The following MSH3 variants were observed in gnomAD, a reference collection of about 807,000 sequenced individuals.
The protein encoded by MSH3 is DNA mismatch repair protein Msh3.
In MSH3, 106 loss-of-function variants were observed where a neutral mutation model predicts 123.3. The ratio of observed to expected loss-of-function variants is 0.86; its 90% CI spans 0.73 to 1.01. The LOEUF (loss-of-function observed/expected upper bound fraction) is 1.01. MSH3 is among the 50% of genes least tolerant of loss of function. The pLI is 0.00. For missense variants in MSH3, 1,459 were observed against 1,347.6 expected (o/e 1.08, Z -1.29); for synonymous variants, 515 against 481.4 (o/e 1.07, Z -0.91).
intron 8 of MSH3, among the ~76,000 whole-genome samples, chr5:80,702,624 A>G (rs1750635906): frequency 6.6e-6 from 1 of 152,206 alleles, no homozygotes; most frequent in Admixed American, 6.5e-5. Context: ...ATGGGCCTAG[A>G]AAGACAGGTA....
At chr5:80,815,561 T>C (rs1489241088) in intron 20 of MSH3, among the ~76,000 whole-genome samples, 1 of 152,216 alleles carries the variant, frequency 6.6e-6, no homozygotes, top group Non-Finnish European at 1.5e-5. Context: ...TCAGTGGCTC[T>C]GCCATTTCAC....
intron 10 of MSH3, among the ~76,000 whole-genome samples, chr5:80,729,458 GTGTATATA>G (rs1233805800): frequency 2.5e-5 from 2 of 81,574 alleles, no homozygotes; most frequent in Non-Finnish European, 2.6e-5. Flanking sequence ...GTGTGTGTGT[GTGTATATA>G]TATATATATA....
At chr5:80,730,900 T>C (rs1201816405) in intron 10 of MSH3, among the ~76,000 whole-genome samples, 1 of 146,254 alleles carries the variant, frequency 6.8e-6, no homozygotes, top group African/African-American at 2.5e-5. Flanking sequence ...ATATATTTTT[T>C]TTTTTTTCTT....
intron 8 of MSH3, among the ~76,000 whole-genome samples, chr5:80,694,008 A>G (rs917436250): frequency 1.3e-5 from 2 of 152,176 alleles, no homozygotes; most frequent in Non-Finnish European, 2.9e-5. Context: ...GAATTGGCAT[A>G]TGGAGAGAGT....
chr5:80,793,822 A>C (rs371446547), intron 19 of MSH3, among the ~76,000 whole-genome samples: 2 of 152,226 alleles, frequency 1.3e-5, no homozygotes. Context: ...CTGGGTAAAA[A>C]TAGTGAAGTT....
At chr5:80,865,315 G>A (rs1214283305) in intron 22 of MSH3, among the ~76,000 whole-genome samples, 3 of 152,014 alleles carry the variant, frequency 2.0e-5, no homozygotes, top group East Asian at 1.9e-4. Context: ...TTTTAAAAAC[G>A]CCCAATATTT....
intron 17 of MSH3, among the ~76,000 whole-genome samples, chr5:80,787,264 A>G (rs1260821286): frequency 1.3e-5 from 2 of 152,222 alleles, no homozygotes; most frequent in South Asian, 2.1e-4. Flanking sequence ...TGCTATATTT[A>G]TGTTATATCT....
chr5:80,766,339 C>CTTTTTTTTTTT (rs1166492002), intron 13 of MSH3, among the ~76,000 whole-genome samples: 3 of 78,220 alleles, frequency 3.8e-5, no homozygotes, highest in Admixed American at 1.9e-4. Context: ...TGTTTTTTTC[C>CTTTTTTTTTTT]TTTTTTTTTT....
chr5:80,814,185 G>T (rs1745060618), intron 20 of MSH3, among the ~76,000 whole-genome samples: 1 of 151,322 alleles, frequency 6.6e-6, no homozygotes, highest in Non-Finnish European at 1.5e-5. Flanking sequence ...TTTTTATTAT[G>T]ACTGTTAATA....
intron 20 of MSH3, among the ~76,000 whole-genome samples, chr5:80,848,488 C>T (rs1022698580): frequency 2.0e-5 from 3 of 152,136 alleles, no homozygotes; most frequent in East Asian, 1.9e-4. Flanking sequence ...AAGACATACC[C>T]GAGACTGGGC....
At position 80,693,606 on chromosome 5, in the gene MSH3, TATATACACACACAC is replaced by T. The variant is rs1202567450; in HGVS notation, c.1340+14529_1340+14542del. On this transcript the variant is annotated intron_variant, in intron 8 of 23. Transcript: ENST00000265081. ...GTATATAAATATATATAAACATACA[TATATACACACACAC>T]ATATACACACACACACACACACACA... Among the ~76,000 whole-genome samples, 9 of 136,762 alleles carry T rather than the reference TATATACACACACAC, an allele frequency of 6.6e-5. 1 individual carries two copies. Among genetic ancestry groups the T allele is most frequent in the East Asian group, 4.2e-4 (2 of 4,802 alleles). The allele number at this position is 136,762 out of a possible 152,430, so 89.7% of individuals were successfully genotyped here.
In MSH3 at chr5:80,778,814, G is replaced by A. The variant is rs1415737294; in HGVS notation, c.2413G>A (p.Ala805Thr). Residue 805 changes from alanine (A) to threonine (T), a missense_variant, in exon 17 of 24, where the codon GCT becomes ACT. Ala to Thr is a moderately conservative substitution (Grantham distance 58). Coordinates refer to ENST00000265081, the MANE Select transcript of MSH3 (RefSeq NM_002439.5). ...GGAGCAGCTAGTCCTTGACTGCAGT[G>A]CTGAATGGCTTGATTTTCTAGAGTG... is the stretch of plus-strand genomic sequence containing the variant. ...LREQLVLDCS[A>T]EWLDFLEKFS... is the part of the protein sequence containing the mutation. The A allele has an allele frequency of 3.1e-6, 5 of 1,588,094 alleles. No homozygotes were observed. Among genetic ancestry groups the A allele is most frequent in the African/African-American group, 1.3e-5 (1 of 74,454 alleles).
chr5:80,802,399 C>T (rs1744804444), intron 19 of MSH3, among the ~76,000 whole-genome samples: 1 of 149,962 alleles, frequency 6.7e-6, no homozygotes, highest in Admixed American at 6.7e-5. Flanking sequence ...TGGTACCTCA[C>T]AGAATTGATT....
chr5:80,756,711 ATTGT>A (rs1297679969), intron 12 of MSH3, among the ~76,000 whole-genome samples: 5 of 152,274 alleles, frequency 3.3e-5, no homozygotes, highest in Admixed American at 2.0e-4. Flanking sequence ...TAGAGTGTAA[ATTGT>A]TTGTAGACTA....
chr5:80,745,182 C>A (rs1743692837), intron 12 of MSH3, among the ~76,000 whole-genome samples: 1 of 152,212 alleles, frequency 6.6e-6, no homozygotes, highest in African/African-American at 2.4e-5. Flanking sequence ...GTTGTCTGCA[C>A]ATCGGAATCA....
intron 12 of MSH3, among the ~76,000 whole-genome samples, chr5:80,756,528 A>G (rs564795522): frequency 2.0e-4 from 31 of 152,288 alleles, no homozygotes; most frequent in Middle Eastern, 3.4e-3. Flanking sequence ...TATAGACAAT[A>G]GCTAATCTTT....
chr5:80,672,852 G>T lies in MSH3; in HGVS notation c.1021G>T (p.Gly341Ter). Reference protein sequence around the residue: ...TALYTKSTLIGEDVNPLIKLD... With the variant: ...TALYTKSTLI Reference sequence around the variant, plus strand: ...CCTTTATACAAAATCTACACTTATTGGAGAAGATATCCTTTTTGGACGGGA... The same window carrying T: ...CCTTTATACAAAATCTACACTTATTTGAGAAGATATCCTTTTTGGACGGGA... The change falls in exon 6 of 24, where the codon GGA becomes TGA. Residue 341 changes from glycine to a stop codon, truncating the protein, a stop_gained. Coordinates refer to ENST00000265081, the MANE Select transcript of MSH3 (RefSeq NM_002439.5). LOFTEE classifies it high-confidence loss of function. 1 of 1,604,924 alleles carries T rather than the reference G, an allele frequency of 6.2e-7. No homozygotes were observed. Among genetic ancestry groups the T allele is most frequent in the Non-Finnish European group, 8.5e-7 (1 of 1,171,708 alleles).
At chr5:80,843,028 T>C (rs1331892012) in intron 20 of MSH3, among the ~76,000 whole-genome samples, 1 of 152,174 alleles carries the variant, frequency 6.6e-6, no homozygotes, top group Non-Finnish European at 1.5e-5. Flanking sequence ...CAGTATGATA[T>C]TGGCTGTGGG....
intron 12 of MSH3, among the ~76,000 whole-genome samples, chr5:80,748,114 G>A (rs755570791): frequency 3.9e-5 from 6 of 152,128 alleles, no homozygotes; most frequent in South Asian, 2.1e-4. Context: ...AATGGATGAC[G>A]AGGGGATTTA....
Sources: gnomAD v4.1 joint callset for allele counts (sites outside exome capture counted in the v4.1 genomes callset) on GRCh38, gnomAD v4.1.1 for gene constraint, MANE v1.5 for transcripts, NCBI Gene and HGNC (gene_info 2026-07-23, HGNC 2026-07-21) for gene names.